SLC30A8: variants seen among roughly 807,000 people sequenced by gnomAD.
SLC30A8 encodes the protein solute carrier family 30 member 8.
Under a neutral mutation model 36.9 loss-of-function variants are expected in SLC30A8, and 27 were observed. The observed-to-expected ratio is 0.73, with a 90% CI of 0.54 to 1.01. The LOEUF (loss-of-function observed/expected upper bound fraction) is 1.01. Among genes scored for constraint, SLC30A8 ranks in the 50% least tolerant of loss-of-function variants. The pLI is 0.00. For synonymous variants in SLC30A8, 164 were observed against 172.4 expected (o/e 0.95, Z 0.38); for missense variants, 439 against 452.0 (o/e 0.97, Z 0.26).
intron 1 of SLC30A8, among the ~76,000 whole-genome samples, chr8:117,011,981 A>G (rs924834388): frequency 2.6e-5 from 4 of 152,152 alleles, no homozygotes; most frequent in African/African-American, 9.6e-5. Context: ...AACATAATTC[A>G]TACTGATTTC....
chr8:117,066,786 A>G (rs35402438), intron 2 of SLC30A8, among the ~76,000 whole-genome samples: 18,194 of 152,020 alleles, frequency 0.12, 1,159 homozygotes, highest in East Asian at 0.14. Context: ...TCCAGGCATC[A>G]TCTCCTGAAG....
intron 2 of SLC30A8, among the ~76,000 whole-genome samples, chr8:117,062,463 GTTTTTT>G (rs1818047638): frequency 6.6e-6 from 1 of 152,142 alleles, no homozygotes. Context: ...CGGGGAAGGT[GTTTTTT>G]AAACGATCAG....
chr8:116,991,741 C>T (rs1815652244), intron 1 of SLC30A8, among the ~76,000 whole-genome samples: 1 of 151,882 alleles, frequency 6.6e-6, no homozygotes, highest in Non-Finnish European at 1.5e-5. Context: ...TTTTCTTTTT[C>T]CCCTTGCTGA....
chr8:117,120,110 GA>G (rs955401679), intron 2 of SLC30A8, among the ~76,000 whole-genome samples: 4 of 151,176 alleles, frequency 2.6e-5, no homozygotes, highest in Middle Eastern at 6.4e-3. Flanking sequence ...TGCAGAAATA[GA>G]AAAAAAATCC....
chr8:117,150,491 TTGTTA>T (rs1316574007), intron 2 of SLC30A8, among the ~76,000 whole-genome samples: 11 of 152,364 alleles, frequency 7.2e-5, no homozygotes, highest in African/African-American at 2.4e-4. Flanking sequence ...GTCTCTTATC[TTGTTA>T]TAAGTGTACT....
At chr8:117,111,786 TG>T (rs1236928645) in intron 2 of SLC30A8, among the ~76,000 whole-genome samples, 1 of 152,122 alleles carries the variant, frequency 6.6e-6, no homozygotes, top group African/African-American at 2.4e-5. Context: ...TGAGAGATAG[TG>T]GGAAACTAAC....
chr8:117,007,600 T>G (rs1816224095), intron 1 of SLC30A8, among the ~76,000 whole-genome samples: 1 of 152,230 alleles, frequency 6.6e-6, no homozygotes, highest in Non-Finnish European at 1.5e-5. Context: ...TCAATTCTTT[T>G]CTTCAAATAC....
intron 2 of SLC30A8, among the ~76,000 whole-genome samples, chr8:117,086,853 A>T (rs1021729761): frequency 4.6e-5 from 7 of 152,226 alleles, no homozygotes; most frequent in African/African-American, 1.7e-4. Flanking sequence ...AGGAATTAGA[A>T]TCACTAATAA....
chr8:117,013,611 A>C (rs1816417102), intron 1 of SLC30A8, among the ~76,000 whole-genome samples: 1 of 152,220 alleles, frequency 6.6e-6, no homozygotes, highest in Non-Finnish European at 1.5e-5. Context: ...CAGCTTAAAA[A>C]TGACAACCAT....
chr8:117,056,347 C>A (rs999705568), intron 2 of SLC30A8, among the ~76,000 whole-genome samples: 7 of 152,160 alleles, frequency 4.6e-5, no homozygotes, highest in African/African-American at 1.7e-4. Flanking sequence ...CTTTCCATCA[C>A]CACAGCAGTA....
At chr8:117,057,552 A>T (rs927226412) in intron 2 of SLC30A8, among the ~76,000 whole-genome samples, 4 of 151,790 alleles carry the variant, frequency 2.6e-5, no homozygotes, top group African/African-American at 9.7e-5. Context: ...GGAAACCACC[A>T]TATTACTCTC....
intron 1 of SLC30A8, among the ~76,000 whole-genome samples, chr8:116,953,635 G>A (rs1215650154): frequency 6.6e-6 from 1 of 152,088 alleles, no homozygotes; most frequent in African/African-American, 2.4e-5. Flanking sequence ...AGGGTTCTAT[G>A]TGGGCAATTT....
At position 117,135,073 on chromosome 8, in the gene SLC30A8, TG is replaced by T. The variant is rs753040121; in HGVS notation, c.-254del. The T allele has an allele frequency of 2.9e-6, 1 of 339,978 alleles. No homozygotes were observed. Among genetic ancestry groups the T allele is most frequent in the Non-Finnish European group, 5.3e-6 (1 of 187,760 alleles). 21.1% of individuals were successfully genotyped at this position (339,978 alleles called of 1,614,324 possible). Reference sequence around the variant, plus strand: ...TGAAAGACATACACACTTCATGTAATGCTACCTGCAAGTCTCCCTAGAAAAG... The same window carrying T: ...TGAAAGACATACACACTTCATGTAATCTACCTGCAAGTCTCCCTAGAAAAG... On this transcript the variant is annotated 5_prime_UTR_variant, in exon 1 of 8. The change abolishes an upstream ATG in the 5' untranslated region. Coordinates refer to ENST00000456015, the MANE Select transcript of SLC30A8 (RefSeq NM_173851.3).
intron 2 of SLC30A8, among the ~76,000 whole-genome samples, chr8:117,148,893 G>T (rs1300772812): frequency 6.6e-6 from 1 of 152,086 alleles, no homozygotes; most frequent in African/African-American, 2.4e-5. Context: ...TATTCACTTT[G>T]TACTCAATTA....
At chr8:116,969,384 C>G (rs1334330463) in intron 1 of SLC30A8, among the ~76,000 whole-genome samples, 1 of 152,172 alleles carries the variant, frequency 6.6e-6, no homozygotes, top group Non-Finnish European at 1.5e-5. Context: ...TGCCACTGCA[C>G]AAACTTGGGC....
chr8:117,063,854 A>G (rs1355504056), intron 2 of SLC30A8, among the ~76,000 whole-genome samples: 1 of 152,180 alleles, frequency 6.6e-6, no homozygotes, highest in Non-Finnish European at 1.5e-5. Flanking sequence ...GTCTAATACC[A>G]GAGAGGTATT....
intron 1 of SLC30A8, among the ~76,000 whole-genome samples, chr8:116,989,937 T>G (rs1026907280): frequency 6.6e-6 from 1 of 152,206 alleles, no homozygotes; most frequent in South Asian, 2.1e-4. Context: ...CAGGTAAAAT[T>G]AGGAGAGATT....
At chr8:117,127,258 C>T (rs569548989) in intron 2 of SLC30A8, among the ~76,000 whole-genome samples, 1 of 152,152 alleles carries the variant, frequency 6.6e-6, no homozygotes, top group African/African-American at 2.4e-5. Context: ...ATGGGCAGCT[C>T]ATACTTATAA....
chr8:116,960,099 C>T (rs1814367915), intron 1 of SLC30A8, among the ~76,000 whole-genome samples: 1 of 152,212 alleles, frequency 6.6e-6, no homozygotes, highest in South Asian at 2.1e-4. Flanking sequence ...TTTCAGAGAT[C>T]ACTGACCTTT....
Sources: gnomAD v4.1 joint callset for allele counts (sites outside exome capture counted in the v4.1 genomes callset) on GRCh38, gnomAD v4.1.1 for gene constraint, MANE v1.5 for transcripts, NCBI Gene and HGNC (gene_info 2026-07-23, HGNC 2026-07-21) for gene names.